Variants in CEP85L observed in about 807,000 individuals in gnomAD.
The protein encoded by CEP85L is centrosomal protein 85L.
CEP85L carries 60 observed loss-of-function variants against 100.3 expected under a neutral mutation model. That is an observed-to-expected ratio of 0.60 (90% CI 0.49 to 0.74). The LOEUF (loss-of-function observed/expected upper bound fraction) is 0.74. Ranked by LOEUF, CEP85L falls within the 30% of genes least tolerant of loss-of-function variation. The pLI is 0.00. For missense variants in CEP85L, 973 were observed against 936.2 expected (o/e 1.04, Z -0.51); for synonymous variants, 319 against 322.7 (o/e 0.99, Z 0.12).
intron 1 of CEP85L, among the ~76,000 whole-genome samples, chr6:118,650,895 C>A (rs972452491): frequency 3.3e-5 from 5 of 152,236 alleles, no homozygotes; most frequent in Non-Finnish European, 5.9e-5. Flanking sequence ...AAGGAAAAAA[C>A]CGGGCAGACA....
At chr6:118,500,180 AC>A (rs1339518022) in intron 5 of CEP85L, among the ~76,000 whole-genome samples, 1 of 151,382 alleles carries the variant, frequency 6.6e-6, no homozygotes, top group Non-Finnish European at 1.5e-5. Context: ...GGTGACACAC[AC>A]CTGTACTCCC....
At chr6:118,680,535 A>G (rs928612166) in intron 1 of CEP85L, among the ~76,000 whole-genome samples, 2 of 152,034 alleles carry the variant, frequency 1.3e-5, no homozygotes, top group African/African-American at 4.8e-5. Flanking sequence ...AAAGCAATTT[A>G]TTTCTAACCA....
intron 1 of CEP85L, among the ~76,000 whole-genome samples, chr6:118,693,567 C>T (rs898571129): frequency 2.0e-5 from 3 of 152,208 alleles, no homozygotes; most frequent in African/African-American, 4.8e-5. Flanking sequence ...TACAAATGGA[C>T]TCTGCCTGAT....
intron 3 of CEP85L, among the ~76,000 whole-genome samples, chr6:118,563,088 T>C (rs189891016): frequency 3.9e-5 from 6 of 152,206 alleles, no homozygotes; most frequent in African/African-American, 1.4e-4. Flanking sequence ...GTAGCATAAG[T>C]GTGATGTACT....
At chr6:118,635,662 A>G (rs529233939) in intron 1 of CEP85L, among the ~76,000 whole-genome samples, 1 of 152,360 alleles carries the variant, frequency 6.6e-6, no homozygotes, top group South Asian at 2.1e-4. Context: ...CAAAAGCTGC[A>G]TAAAATGGCT....
At chr6:118,643,548 A>G (rs1247326364) in intron 1 of CEP85L, among the ~76,000 whole-genome samples, 3 of 152,238 alleles carry the variant, frequency 2.0e-5, no homozygotes, top group Non-Finnish European at 4.4e-5. Context: ...CATTCACTAG[A>G]CATTAACAGT....
chr6:118,681,422 G>A (rs1044086360), intron 1 of CEP85L, among the ~76,000 whole-genome samples: 20 of 151,714 alleles, frequency 1.3e-4, no homozygotes, highest in African/African-American at 4.8e-4. Flanking sequence ...GCAGAGATCT[G>A]GAATGAAAAA....
At chr6:118,559,206 G>A in intron 3 of CEP85L, 5 of 806,112 alleles carry the variant, frequency 6.2e-6, no homozygotes, top group East Asian at 4.9e-5. Flanking sequence ...TTTGTGAAAA[G>A]GTCAAGATTA....
rs185246790 is a variant in CEP85L, at chr6:118,666,500, A to C, written c.-27-13692T>G. Among the ~76,000 whole-genome samples the C allele has an allele frequency of 2.0e-5, 3 of 152,310 alleles. No individual in the cohort carries two copies. The East Asian group carries it at 5.8e-4, about 29-fold the overall frequency. On this transcript the variant is annotated intron_variant, in intron 1 of 13. Coordinates refer to the CEP85L transcript ENST00000368488. ...GAGTCAATACCTATTGAATGTTTAC[A>C]ACATGTCTGGCTCTGTTCTAAGAGC...
At chr6:118,577,658 A>G (rs532725454) in intron 2 of CEP85L, among the ~76,000 whole-genome samples, 25 of 152,356 alleles carry the variant, frequency 1.6e-4, no homozygotes, top group African/African-American at 4.3e-4. Flanking sequence ...TGGCCTGGGA[A>G]AACAGAATAG....
intron 2 of CEP85L, among the ~76,000 whole-genome samples, chr6:118,575,954 C>T (rs1029773948): frequency 6.6e-6 from 1 of 152,124 alleles, no homozygotes; most frequent in South Asian, 2.1e-4. Flanking sequence ...GACCACCTTA[C>T]CCACTGGGTA....
chr6:118,522,535 T>C lies in CEP85L; in HGVS notation c.1139+1267A>G, dbSNP rs572115759. ...TCCACAATCCTTCATTTATCAAGTATGGAAGTATCAAGTTTTAAGGCATAT... is the reference window on the plus strand; with the variant it reads ...TCCACAATCCTTCATTTATCAAGTACGGAAGTATCAAGTTTTAAGGCATAT... On this transcript the variant is annotated intron_variant, in intron 4 of 12. Transcript: ENST00000368491. Among the ~76,000 whole-genome samples the C allele has an allele frequency of 3.9e-5, 6 of 152,224 alleles. No homozygotes were observed. The East Asian group carries it at 9.7e-4, about 24-fold the overall frequency.
At position 118,483,809 on chromosome 6, in the gene CEP85L, T is replaced by C. The variant is rs375276664; in HGVS notation, c.1487A>G (p.Lys496Arg). 1.2e-6 allele frequency: 2 copies of C among 1,613,908 alleles called. No homozygotes were observed. Among genetic ancestry groups the C allele is most frequent in the Admixed American group, 3.3e-5 (2 of 60,000 alleles). ...YISSLKKKCQ[K>R]ESEQNKEKQR... is the part of the protein sequence containing the mutation. Reference sequence around the variant, plus strand: ...CTTTTCTTTGTTTTGTTCAGATTCCTTCTGGCATTTCTTTTTCAGACTACT... The same window carrying C: ...CTTTTCTTTGTTTTGTTCAGATTCCCTCTGGCATTTCTTTTTCAGACTACT... Residue 496 changes from lysine to arginine, a missense_variant, in exon 7 of 13, where the codon AAG (lysine) becomes AGG (arginine). By Grantham distance (26) the Lys-to-Arg change is conservative (BLOSUM62 2). Transcript: ENST00000368491.
chr6:118,623,825 G>T (rs553798895), intron 2 of CEP85L, among the ~76,000 whole-genome samples: 1 of 152,234 alleles, frequency 6.6e-6, no homozygotes, highest in South Asian at 2.1e-4. Flanking sequence ...TTACCCAAAG[G>T]GTATGACAGG....
In CEP85L at chr6:118,523,925, A is replaced by T. The variant is rs1329525744; in HGVS notation, c.1021-5T>A. The T allele has an allele frequency of 2.1e-6, 3 of 1,409,238 alleles. No individual in the cohort carries two copies. In the African/African-American group the frequency reaches 4.2e-5, roughly 20 times the overall value. 87.3% of individuals were successfully genotyped at this position (1,409,238 alleles called of 1,614,324 possible). A position where few individuals can be genotyped will look rare whatever the true frequency, so the allele number is the denominator to read the frequency against. On this transcript the variant is annotated splice_polypyrimidine_tract_variant and splice_region_variant and intron_variant, in intron 3 of 12. Coordinates refer to ENST00000368491, the MANE Select transcript of CEP85L (RefSeq NM_001042475.3). ...ACGAGATGATCCAGTCAAAACCTGC[A>T]GAAACATGTTTACACAATTAGTATA...
rs1312247597 is a variant in CEP85L, at chr6:118,601,538, G to GT, written c.232+30914dup. ...TTTGAAATGATATACATGAATATCTGTTTTGGGGTATCATCCTTATTTATT... is the reference window on the plus strand; with the variant it reads ...TTTGAAATGATATACATGAATATCTGTTTTTGGGGTATCATCCTTATTTATT... On this transcript the variant is annotated intron_variant, in intron 2 of 12. Coordinates refer to ENST00000368491, the MANE Select transcript of CEP85L (RefSeq NM_001042475.3). Among the ~76,000 whole-genome samples, 6 of 152,236 alleles carry GT rather than the reference G, an allele frequency of 3.9e-5. No homozygotes were observed. The South Asian group carries it at 8.3e-4, about 21-fold the overall frequency.
intron 2 of CEP85L, among the ~76,000 whole-genome samples, chr6:118,610,579 G>A (rs1772540697): frequency 6.6e-6 from 1 of 152,088 alleles, no homozygotes; most frequent in African/African-American, 2.4e-5. Context: ...GCAGTAACAA[G>A]GTGCTCTTCC....
chr6:118,600,616 C>A (rs1264875364), intron 2 of CEP85L, among the ~76,000 whole-genome samples: 2 of 151,384 alleles, frequency 1.3e-5, no homozygotes, highest in Admixed American at 6.6e-5. Flanking sequence ...GCCACCACAC[C>A]CAGCCCTGGG....
At chr6:118,509,907 AT>A (rs962645032) in intron 5 of CEP85L, among the ~76,000 whole-genome samples, 56 of 152,194 alleles carry the variant, frequency 3.7e-4, no homozygotes, top group African/African-American at 1.3e-3. Flanking sequence ...AGTCATATAA[AT>A]TTTGTTAACG....
Sources: allele counts gnomAD v4.1 joint callset (sites outside exome capture counted in the v4.1 genomes callset), GRCh38; gene constraint gnomAD v4.1.1; transcripts MANE v1.5; gene names NCBI Gene and HGNC (gene_info 2026-07-23, HGNC 2026-07-21).